Variants in RBM19 observed in about 807,000 individuals in gnomAD.
RBM19 encodes the protein RNA binding motif protein 19, also known as probable RNA-binding protein 19.
In RBM19, 94 loss-of-function variants were observed where a neutral mutation model predicts 116.8. The observed-to-expected ratio is 0.80, with a 90% CI of 0.68 to 0.95. The LOEUF (loss-of-function observed/expected upper bound fraction) is 0.95. Ranked by LOEUF, RBM19 falls within the 40% of genes least tolerant of loss-of-function variation. The pLI, the probability that RBM19 is intolerant of heterozygous loss-of-function variation, is 0.00. For missense variants in RBM19, 1,161 were observed against 1,220.7 expected (o/e 0.95, Z 0.73); for synonymous variants, 475 against 494.1 (o/e 0.96, Z 0.51).
At chr12:113,926,068 T>C (rs961794218) in intron 17 of RBM19, among the ~76,000 whole-genome samples, 1 of 152,106 alleles carries the variant, frequency 6.6e-6, no homozygotes, top group African/African-American at 2.4e-5. Flanking sequence ...ATCTCTGCTG[T>C]TGGGGCTGCT....
intron 19 of RBM19, 37 bp downstream of exon 19, chr12:113,920,574 T>A: frequency 6.3e-7 from 1 of 1,575,094 alleles, no homozygotes; most frequent in South Asian, 1.1e-5. Context: ...ACCTGCCAAG[T>A]GCCTCCGTGG....
At chr12:113,926,764 A>G (rs1405302405) in intron 17 of RBM19, among the ~76,000 whole-genome samples, 1 of 152,126 alleles carries the variant, frequency 6.6e-6, no homozygotes, top group Non-Finnish European at 1.5e-5. Context: ...TCATAGAAAC[A>G]ACTACTGCCT....
intron 21 of RBM19, among the ~76,000 whole-genome samples, chr12:113,864,889 G>A (rs979508256): frequency 1.3e-5 from 2 of 152,066 alleles, no homozygotes; most frequent in East Asian, 1.9e-4. Context: ...GCTAGTCATC[G>A]CCACTCCCAC....
At chr12:113,894,178 T>TC (rs56942776) in intron 21 of RBM19, among the ~76,000 whole-genome samples, 142,397 of 152,246 alleles carry the variant, frequency 0.94, 66,639 homozygotes, top group East Asian at 0.99. Flanking sequence ...AGCACACACT[T>TC]CAGAGGCTCA....
chr12:113,962,048 A>G (rs1434451013), intron 2 of RBM19, among the ~76,000 whole-genome samples, 184 bp downstream of exon 2: 1 of 152,264 alleles, frequency 6.6e-6, no homozygotes, highest in Non-Finnish European at 1.5e-5. Context: ...GGACGGGCCC[A>G]GGAAGCTGTT....
Position 113,966,294 on chromosome 12 carries a change from A to G in RBM19, c.-67T>C. The G allele has an allele frequency of 6.2e-7, 1 of 1,602,718 alleles. No homozygotes were observed. Among genetic ancestry groups the G allele is most frequent in the Non-Finnish European group, 8.5e-7 (1 of 1,169,742 alleles). ...AGCGTCTTCCACCAAGTTTCACGCT[A>G]CCGCCCTGGGCGCCGCCATCTTTAC... On this transcript the variant is annotated 5_prime_UTR_variant, in exon 1 of 24. Transcript: ENST00000261741.
At chr12:113,839,640 C>A (rs1387061216) in intron 23 of RBM19, among the ~76,000 whole-genome samples, 2 of 152,190 alleles carry the variant, frequency 1.3e-5, no homozygotes, top group African/African-American at 2.4e-5. Flanking sequence ...TGACATGAGA[C>A]CCCTCACTGC....
At chr12:113,883,705 C>A (rs1880310553) in intron 21 of RBM19, among the ~76,000 whole-genome samples, 1 of 150,096 alleles carries the variant, frequency 6.7e-6, no homozygotes, top group Admixed American at 6.6e-5. Context: ...CCAGGTCTGT[C>A]TGGTTTCTGA....
At chr12:113,964,212 G>A (rs1872703675) in intron 1 of RBM19, among the ~76,000 whole-genome samples, 1 of 152,180 alleles carries the variant, frequency 6.6e-6, no homozygotes, top group South Asian at 2.1e-4. Flanking sequence ...TTCAATCCCT[G>A]CTCTATAAAT....
chr12:113,923,196 G>T (rs1039469027), intron 18 of RBM19, among the ~76,000 whole-genome samples: 5 of 152,160 alleles, frequency 3.3e-5, no homozygotes, highest in African/African-American at 1.2e-4. Flanking sequence ...ATGATTGGAT[G>T]ACTGCTGTTC....
rs773985159 is a variant in RBM19 at position 113,942,347 on chromosome 12, C to T, written c.1714G>A (p.Val572Ile). The T allele has an allele frequency of 1.9e-6, 3 of 1,607,626 alleles. No individual in the cohort carries two copies. The highest frequency in any genetic ancestry group is 2.2e-5 in the South Asian group (2 of 91,052). ...EVRRFLIDNG[V>I]SLDSFSQAAA... ...ACCTGGCTGAAGGAATCCAGGCTGACCCCGTTGTCTATGAGAAAACGCCGC... is the reference window on the plus strand; with the variant it reads ...ACCTGGCTGAAGGAATCCAGGCTGATCCCGTTGTCTATGAGAAAACGCCGC... Residue 572 changes from valine (V) to isoleucine (I), a missense_variant, in exon 14 of 24, where the codon GTC (valine) becomes ATC (isoleucine). Val to Ile is a conservative substitution (Grantham distance 29). Coordinates refer to ENST00000261741, the MANE Select transcript of RBM19 (RefSeq NM_016196.4).
chr12:113,880,276 G>T (rs1291349781), intron 21 of RBM19, among the ~76,000 whole-genome samples: 1 of 152,030 alleles, frequency 6.6e-6, no homozygotes, highest in Non-Finnish European at 1.5e-5. Context: ...TATTTGCTCT[G>T]ATACCCCCTG....
intron 22 of RBM19, among the ~76,000 whole-genome samples, chr12:113,846,218 G>A (rs1876956124): frequency 1.3e-5 from 2 of 152,206 alleles, no homozygotes; most frequent in Admixed American, 1.3e-4. Flanking sequence ...GGGTTGCAGA[G>A]AGCACCAGTG....
rs754135932 is a variant in RBM19 at position 113,927,065 on chromosome 12, TC to T, written c.2232del (p.Lys745SerfsTer2). The T allele has an allele frequency of 4.3e-6, 7 of 1,612,942 alleles. No individual in the cohort carries two copies. In the Admixed American group the frequency reaches 5.0e-5, roughly 12 times the overall value. The part of the protein sequence containing the change: ...IKNLNFDTTE[E>X]KLKEVFSKVG... ...GAGAAACCACTCACTTCCTTCAGCT[TC>T]TCTTCTGTTGTGTCAAAATTGAGAT... On this transcript the variant is annotated frameshift_variant, in exon 17 of 24. Transcript: ENST00000261741. LOFTEE classifies it high-confidence loss of function.
Position 113,891,208 on chromosome 12 carries a change from A to G in RBM19, c.2558+23761T>C, listed in dbSNP as rs538281822. Among the ~76,000 whole-genome samples, 11 of 152,332 alleles carry G rather than the reference A, an allele frequency of 7.2e-5. No individual in the cohort carries two copies. In the South Asian group the frequency reaches 2.3e-3, roughly 32 times the overall value. ...AGCAAGAGAAAAGAACCTTCTTCCC[A>G]GGAAACATCCCGCCATCTCCTGCCC... On this transcript the variant is annotated intron_variant, in intron 21 of 23. Coordinates refer to ENST00000261741, the MANE Select transcript of RBM19 (RefSeq NM_016196.4).
intron 21 of RBM19, among the ~76,000 whole-genome samples, chr12:113,889,528 C>T (rs575725193): frequency 2.6e-5 from 4 of 152,288 alleles, no homozygotes; most frequent in African/African-American, 9.6e-5. Flanking sequence ...ATGGCATTCT[C>T]CTGCAGTCAC....
chr12:113,937,089 G>C lies in RBM19; in HGVS notation c.1986C>G (p.Phe662Leu). ...TTTTCTTCTGTGGGGCTGTGCTGGA[G>C]AAGACGCCAACTGGAGCCCACTCCA... The part of the protein sequence containing the change: ...LYLEWAPVGV[F>L]SSTAPQKKKL... Residue 662 changes from phenylalanine (F) to leucine (L), a missense_variant, in exon 16 of 24, where the codon TTC becomes TTG. By Grantham distance (22) the Phe-to-Leu change is conservative (BLOSUM62 0). Transcript: ENST00000261741. 1 of 1,614,098 alleles carries C rather than the reference G, an allele frequency of 6.2e-7. No individual in the cohort carries two copies. The highest frequency in any genetic ancestry group is 8.5e-7 in the Non-Finnish European group (1 of 1,179,984).
In RBM19 at chr12:113,920,641, C is replaced by G. The variant is rs1202127245; in HGVS notation, c.2355G>C (p.Glu785Asp). The change falls in exon 19 of 24, where the codon GAG (glutamate) becomes GAC (aspartate). Residue 785 changes from glutamate (E) to aspartate (D), a missense_variant. Coordinates refer to ENST00000261741, the MANE Select transcript of RBM19 (RefSeq NM_016196.4). ...GFGFVEYRKPEQAQKALKQLQ... is the reference protein window; with the variant it reads ...GFGFVEYRKPDQAQKALKQLQ... ...GCTGCTTGAGAGCTTTCTGGGCTTG[C>G]TCCGGCTTCCTGTATTCCACAAATC... 1.2e-6 allele frequency: 2 copies of G among 1,614,178 alleles called. No individual in the cohort carries two copies. The highest frequency in any genetic ancestry group is 1.7e-6 in the Non-Finnish European group (2 of 1,180,028).
In RBM19 at chr12:113,942,199, C is replaced by T. The variant is rs557518284; in HGVS notation, c.1737+125G>A. 773 of 814,120 alleles carry T rather than the reference C, an allele frequency of 9.5e-4. 19 individuals are homozygous for T. In the South Asian group the frequency reaches 0.013, roughly 14 times the overall value. 50.4% of individuals were successfully genotyped at this position (814,120 alleles called of 1,614,324 possible). ...TAACATTTCTTCTTTTCTTTAGAGA[C>T]AATTTAGAAATCAGTAATAGTCCTT... On this transcript the variant is annotated intron_variant, in intron 14 of 23. Coordinates refer to ENST00000261741, the MANE Select transcript of RBM19 (RefSeq NM_016196.4).
Sources: allele counts gnomAD v4.1 joint callset (sites outside exome capture counted in the v4.1 genomes callset), GRCh38; gene constraint gnomAD v4.1.1; transcripts MANE v1.5; gene names NCBI Gene and HGNC (gene_info 2026-07-23, HGNC 2026-07-21).